Variants in ADGRE5 observed in about 807,000 individuals in gnomAD.
ADGRE5 encodes the protein CD97 molecule.
ADGRE5 carries 72 observed loss-of-function variants against 100.3 expected under a neutral mutation model. The ratio of observed to expected loss-of-function variants is 0.72; its 90% CI spans 0.59 to 0.87. The LOEUF is 0.87. Among genes scored for constraint, ADGRE5 ranks in the 40% least tolerant of loss-of-function variants. ADGRE5 has a pLI of 0.00. For synonymous variants in ADGRE5, 439 were observed against 447.8 expected (o/e 0.98, Z 0.25); for missense variants, 959 against 1,094.7 (o/e 0.88, Z 1.75).
chr19:14,385,433 A>C (rs1184804726), intron 1 of ADGRE5, among the ~76,000 whole-genome samples: 1 of 149,600 alleles, frequency 6.7e-6, no homozygotes, highest in Non-Finnish European at 1.5e-5. Context: ...TTTTCTCTCC[A>C]CCCCTGCTTC....
Position 14,402,805 on chromosome 19 carries a change from C to T in ADGRE5, c.1392C>T (p.Phe464=), listed in dbSNP as rs770027786. 11 of 1,613,976 alleles carry T rather than the reference C, an allele frequency of 6.8e-6. No homozygotes were observed. The highest frequency in any genetic ancestry group is 2.7e-5 in the African/African-American group (2 of 74,898). The change falls in exon 12 of 20, where the codon TTC becomes TTT. Residue 464 remains phenylalanine, a synonymous_variant. Transcript: ENST00000242786. The part of the protein sequence containing the change: ...NTKELNSPIL[F]AFSHLESSDG... ...AGGAACTCAACTCCCCCATCCTTTT[C>T]GCCTTCTCCCACCTTGAGTCCTCCG...
At chr19:14,393,349 C>A (rs1975667539) in intron 4 of ADGRE5, among the ~76,000 whole-genome samples, 2 of 152,224 alleles carry the variant, frequency 1.3e-5, no homozygotes, top group Non-Finnish European at 2.9e-5. Flanking sequence ...AGCTGCAAGG[C>A]TCTACCCCTG....
Position 14,404,520 on chromosome 19 carries a change from C to T in ADGRE5, c.1587C>T (p.His529=). 1 of 1,613,188 alleles carries T rather than the reference C, an allele frequency of 6.2e-7. No individual in the cohort carries two copies. The highest frequency in any genetic ancestry group is 8.5e-7 in the Non-Finnish European group (1 of 1,179,684). Residue 529 remains histidine (H), a synonymous_variant, in exon 13 of 20, where the codon CAC becomes CAT. Transcript: ENST00000242786. ...GCAGCACCACCTGCCAATGCAGCCA[C>T]CTGAGCAGCTTTGCGATCCTTATGG... is the stretch of plus-strand genomic sequence containing the variant. ...KNGSTTCQCS[H]LSSFAILMAH...
chr19:14,397,407 G>A (rs533853482), intron 6 of ADGRE5, 184 bp downstream of exon 6: 16 of 789,990 alleles, frequency 2.0e-5, no homozygotes, highest in African/African-American at 1.3e-4. Flanking sequence ...GGGTACTGAG[G>A]GGGAAGGCTC....
chr19:14,393,602 A>AT (rs1975675745), intron 4 of ADGRE5, among the ~76,000 whole-genome samples: 1 of 152,130 alleles, frequency 6.6e-6, no homozygotes, highest in East Asian at 1.9e-4. Flanking sequence ...GTGGGAGGTG[A>AT]TGAGACTCAA....
At chr19:14,403,183 C>T (rs1163660296) in intron 12 of ADGRE5, among the ~76,000 whole-genome samples, 1 of 151,916 alleles carries the variant, frequency 6.6e-6, no homozygotes, top group Non-Finnish European at 1.5e-5. Context: ...GATGGGATTA[C>T]AGGCATGCGC....
chr19:14,397,633 C>T, intron 6 of ADGRE5, 25 bp from the exon 7 acceptor site: 1 of 1,577,570 alleles, frequency 6.3e-7, no homozygotes, highest in Non-Finnish European at 8.7e-7. Flanking sequence ...GGGACAGGAC[C>T]TGACCCCCTT....
intron 4 of ADGRE5, among the ~76,000 whole-genome samples, chr19:14,395,320 C>T (rs796922666): frequency 4.5e-5 from 6 of 132,346 alleles, no homozygotes; most frequent in Admixed American, 1.5e-4. Context: ...AAAAAAAAAA[C>T]AAAAACGCAC....
At position 14,398,156 on chromosome 19, in the gene ADGRE5, G is replaced by C; in HGVS notation, c.897+17G>C. 6.2e-7 allele frequency: 1 copy of C among 1,612,758 alleles called. No individual in the cohort carries two copies. The highest frequency in any genetic ancestry group is 8.5e-7 in the Non-Finnish European group (1 of 1,178,806). On this transcript the variant is annotated intron_variant, in intron 9 of 19. Transcript: ENST00000242786. ...ACCATCCAGGTAAGGGCAGGATGCT[G>C]GGGGACCCCAGGACAGTGTAGAATC...
In ADGRE5 at chr19:14,390,488, T is replaced by C. The variant is rs144727374; in HGVS notation, c.191-436T>C. On this transcript the variant is annotated intron_variant, in intron 3 of 19. Transcript: ENST00000242786. ...ACAGGCATGCACCACCATGCCCAGA[T>C]AATTTTTGTATTTTTAGTAGAGACG... 2.4e-3 allele frequency among the ~76,000 whole-genome samples: 363 copies of C among 152,090 alleles called. 1 individual carries two copies. The highest frequency in any genetic ancestry group is 7.1e-3 in the South Asian group (34 of 4,814).
intron 3 of ADGRE5, among the ~76,000 whole-genome samples, chr19:14,389,458 C>T (rs1174053283): frequency 1.3e-5 from 2 of 149,474 alleles, no homozygotes. Context: ...ATAGGCCCGG[C>T]ATGGTGGGTC....
Position 14,405,667 on chromosome 19 carries a change from G to A in ADGRE5, c.1630-81G>A, listed in dbSNP as rs565529422. 4.8e-4 allele frequency: 498 copies of A among 1,047,234 alleles called. 1 individual carries two copies. The African/African-American group carries it at 6.5e-3, about 14-fold the overall frequency. The allele number at this position is 1,047,234 out of a possible 1,614,324, so 64.9% of individuals were successfully genotyped here. A position where few individuals can be genotyped will look rare whatever the true frequency, so the allele number is the denominator to read the frequency against. On this transcript the variant is annotated intron_variant, in intron 13 of 19. Transcript: ENST00000242786. ...GTCAGAGAGGTGGGCCCGTCAAAGT[G>A]TGGGGGGGAAAAGGGACCACAAAGA...
Position 14,406,728 on chromosome 19 carries a change from C to T in ADGRE5, c.2077C>T (p.Leu693Phe), listed in dbSNP as rs752565434. 36 of 1,614,030 alleles carry T rather than the reference C, an allele frequency of 2.2e-5. No homozygotes were observed. In the South Asian group the frequency reaches 3.8e-4, roughly 17 times the overall value. Residue 693 changes from leucine to phenylalanine, a missense_variant, in exon 16 of 20, where the codon CTC (leucine) becomes TTC (phenylalanine). Transcript: ENST00000242786. This position sits in a 1 kb window ranked among gnomAD's most constrained non-coding sequence, Gnocchi z 6.0. The part of the protein sequence containing the change: ...YCWLDFEQGF[L>F]WSFLGPVTFI... ...CTGGTTGGACTTTGAGCAGGGCTTCCTCTGGAGCTTCTTGGGACCTGTGAC... is the reference window on the plus strand; with the variant it reads ...CTGGTTGGACTTTGAGCAGGGCTTCTTCTGGAGCTTCTTGGGACCTGTGAC...
intron 9 of ADGRE5, among the ~76,000 whole-genome samples, chr19:14,399,165 A>C (rs1975905432): frequency 6.6e-6 from 1 of 151,878 alleles, no homozygotes; most frequent in Non-Finnish European, 1.5e-5. Flanking sequence ...CATGGGCAAC[A>C]CAGGCATGAA....
In ADGRE5 at chr19:14,397,756, A is replaced by G. The variant is rs1168586197; in HGVS notation, c.724A>G (p.Lys242Glu). ...CAGCTGCCGCTGCCGCCCAGGCTGG[A>G]AGCCCAGACACGGAATCCCGAATAA... ...SYSCRCRPGWKPRHGIPNNQK... is the reference protein window; with the variant it reads ...SYSCRCRPGWEPRHGIPNNQK... Residue 242 changes from lysine to glutamate, a missense_variant, in exon 7 of 20, where the codon AAG (lysine) becomes GAG (glutamate). Coordinates refer to ENST00000242786, the MANE Select transcript of ADGRE5 (RefSeq NM_078481.4). The G allele has an allele frequency of 7.2e-7, 1 of 1,396,956 alleles. No individual in the cohort carries two copies. The highest frequency in any genetic ancestry group is 1.2e-5 in the South Asian group (1 of 83,574). 86.5% of individuals were successfully genotyped at this position (1,396,956 alleles called of 1,614,324 possible).
At position 14,391,006 on chromosome 19, in the gene ADGRE5, C is replaced by A; in HGVS notation, c.273C>A (p.Cys91Ter). ...GGAACACAGAGGGGAGCTACGACTG[C>A]GTGTGCAGCCCGGGATATGAGCCTG... is the stretch of plus-strand genomic sequence containing the variant. ...DCWNTEGSYD[C>*]VCSPGYEPVS... is the part of the protein sequence containing the mutation. Residue 91 changes from cysteine (C) to a stop codon, truncating the protein, a stop_gained, in exon 4 of 20, where the codon TGC becomes TGA. Coordinates refer to ENST00000242786, the MANE Select transcript of ADGRE5 (RefSeq NM_078481.4). LOFTEE classifies it high-confidence loss of function. 2 of 1,614,170 alleles carry A rather than the reference C, an allele frequency of 1.2e-6. No individual in the cohort carries two copies. The highest frequency in any genetic ancestry group is 4.5e-5 in the East Asian group (2 of 44,884).
chr19:14,401,659 C>A lies in ADGRE5; in HGVS notation c.1082C>A (p.Thr361Asn). The A allele has an allele frequency of 1.3e-6, 2 of 1,598,040 alleles. No homozygotes were observed. The highest frequency in any genetic ancestry group is 1.7e-6 in the Non-Finnish European group (2 of 1,172,220). The part of the protein sequence containing the change: ...TYISPSNTEL[T>N]LMIQERGDKN... ...ACTGCCCCTCTCCCCTCAGAGCTGA[C>A]CCTGATGATCCAGGAGCGGGGGGAC... Residue 361 changes from threonine to asparagine, a missense_variant, in exon 11 of 20, where the codon ACC (threonine) becomes AAC (asparagine). Transcript: ENST00000242786. This position sits in a 1 kb window ranked among gnomAD's most constrained non-coding sequence, Gnocchi z 4.1.
rs1976221589 is a variant in ADGRE5 at position 14,406,138 on chromosome 19, C to T, written c.1822-193C>T. ...CGCTGGCTTTGGAGCTGCCTGGCCA[C>T]ACCCCGAGTGCCCGCTCGCTTCTGA... is the stretch of plus-strand genomic sequence containing the variant. On this transcript the variant is annotated intron_variant, in intron 14 of 19. Coordinates refer to ENST00000242786, the MANE Select transcript of ADGRE5 (RefSeq NM_078481.4). The surrounding 1 kb of genome is among the most constrained non-coding windows in gnomAD (Gnocchi z 6.0). Among the ~76,000 whole-genome samples, 1 of 152,164 alleles carries T rather than the reference C, an allele frequency of 6.6e-6. No homozygotes were observed. Among genetic ancestry groups the T allele is most frequent in the Non-Finnish European group, 1.5e-5 (1 of 68,030 alleles).
At chr19:14,395,461 A>G (rs1316283828) in intron 4 of ADGRE5, among the ~76,000 whole-genome samples, 1 of 152,076 alleles carries the variant, frequency 6.6e-6, no homozygotes, top group Non-Finnish European at 1.5e-5. Context: ...AAGGACAGAG[A>G]TGGAAGCTTG....
Sources: allele counts gnomAD v4.1 joint callset (sites outside exome capture counted in the v4.1 genomes callset), GRCh38; gene constraint gnomAD v4.1.1; non-coding constraint Gnocchi (gnomAD v3.1); transcripts MANE v1.5; gene names NCBI Gene and HGNC (gene_info 2026-07-23, HGNC 2026-07-21).